Variants in EHF observed in about 807,000 individuals in gnomAD.
EHF encodes ETS homologous factor, also known as ESE3 transcription factor.
EHF carries 14 observed loss-of-function variants against 45.1 expected under a neutral mutation model. That is an observed-to-expected ratio of 0.31 (90% CI 0.21 to 0.49). The LOEUF is 0.49. EHF is among the 20% of genes least tolerant of loss of function. The pLI, the probability that EHF is intolerant of heterozygous loss-of-function variation, is 0.99. For missense variants in EHF, 282 were observed against 371.4 expected, an observed-to-expected ratio of 0.76 and a Z score of 1.98; for synonymous variants, 136 against 131.8, an observed-to-expected ratio of 1.03 and a Z score of -0.22.
intron 1 of EHF, among the ~76,000 whole-genome samples, chr11:34,625,378 T>A (rs1852284717): frequency 6.6e-6 from 1 of 152,226 alleles, no homozygotes; most frequent in Non-Finnish European, 1.5e-5. Flanking sequence ...TGGTGTCTTC[T>A]ATAAAACGCC....
intron 1 of EHF, among the ~76,000 whole-genome samples, chr11:34,640,270 T>A (rs1305661806): frequency 6.6e-6 from 1 of 152,142 alleles, no homozygotes; most frequent in African/African-American, 2.4e-5. Context: ...TGCTTTCTGC[T>A]TGTCAGGAAG....
chr11:34,646,762 T>G, intron 3 of EHF, 78 bp downstream of exon 3: 1 of 1,562,332 alleles, frequency 6.4e-7, no homozygotes, highest in Non-Finnish European at 8.7e-7. Flanking sequence ...GATGACAGGA[T>G]TCTTTGTCAG....
intron 6 of EHF, among the ~76,000 whole-genome samples, chr11:34,655,597 G>T (rs1019675572): frequency 6.6e-6 from 1 of 152,166 alleles, no homozygotes; most frequent in African/African-American, 2.4e-5. Flanking sequence ...TGACCCCTCT[G>T]TTTCTCAGAT....
intron 2 of EHF, among the ~76,000 whole-genome samples, chr11:34,644,864 C>T (rs964808826): frequency 1.3e-5 from 2 of 152,202 alleles, no homozygotes; most frequent in South Asian, 2.1e-4. Context: ...GAATCAGAAT[C>T]GGCATTTGAA....
chr11:34,643,693 G>C (rs757037690), intron 2 of EHF, among the ~76,000 whole-genome samples: 8 of 152,152 alleles, frequency 5.3e-5, no homozygotes, highest in Admixed American at 6.6e-5. Flanking sequence ...CCCTTACTCG[G>C]TCACCTGTCC....
intron 1 of EHF, among the ~76,000 whole-genome samples, chr11:34,639,579 G>C (rs1262184547): frequency 6.6e-6 from 1 of 152,210 alleles, no homozygotes; most frequent in Admixed American, 6.5e-5. Flanking sequence ...CACTGGCCCT[G>C]GGCCTCATGT....
At chr11:34,631,500 T>G in intron 1 of EHF, 5 of 865,806 alleles carry the variant, frequency 5.8e-6, no homozygotes, top group South Asian at 5.2e-5. Flanking sequence ...TAATGAGAAG[T>G]GAGCATGTGA....
chr11:34,629,062 C>G (rs1305430798), intron 1 of EHF, among the ~76,000 whole-genome samples: 1 of 152,206 alleles, frequency 6.6e-6, no homozygotes, highest in East Asian at 1.9e-4. Context: ...GTCTGGGAAG[C>G]TGCTGCGGAG....
chr11:34,640,081 A>C (rs1414942570), intron 1 of EHF, among the ~76,000 whole-genome samples: 1 of 150,066 alleles, frequency 6.7e-6, no homozygotes, highest in Non-Finnish European at 1.5e-5. Context: ...TTTGATTCTT[A>C]CAGCCCTTTG....
intron 6 of EHF, 35 bp from the exon 7 acceptor site, chr11:34,656,873 T>C (rs1321584753): frequency 1.2e-6 from 2 of 1,606,700 alleles, no homozygotes; most frequent in East Asian, 2.2e-5. Flanking sequence ...TTATAGGAAA[T>C]AGGTCAATTA....
chr11:34,632,930 G>T (rs530969093), intron 1 of EHF, among the ~76,000 whole-genome samples: 73 of 152,272 alleles, frequency 4.8e-4, no homozygotes, highest in African/African-American at 1.7e-3. Flanking sequence ...TGTAATGGCC[G>T]GATAAGCATT....
At chr11:34,624,759 G>A (rs1852225420) in intron 1 of EHF, among the ~76,000 whole-genome samples, 1 of 152,130 alleles carries the variant, frequency 6.6e-6, no homozygotes, top group South Asian at 2.1e-4. Context: ...TTCAGAGGGG[G>A]GTGGAAATAT....
chr11:34,628,691 T>C (rs373903722), intron 1 of EHF, among the ~76,000 whole-genome samples: 1 of 152,180 alleles, frequency 6.6e-6, no homozygotes, highest in East Asian at 1.9e-4. Context: ...TCCTGTTCAA[T>C]GTCATGTTTA....
At chr11:34,623,208 C>T (rs1250985371) in intron 1 of EHF, among the ~76,000 whole-genome samples, 1 of 152,046 alleles carries the variant, frequency 6.6e-6, no homozygotes, top group African/African-American at 2.4e-5. Context: ...AACTCAGCCC[C>T]CCGAGTAGCT....
At chr11:34,642,446 T>C (rs547637303) in intron 1 of EHF, 182 bp from the exon 2 acceptor site, 2 of 525,830 alleles carry the variant, frequency 3.8e-6, no homozygotes, top group South Asian at 5.1e-5. Flanking sequence ...AAATTGAACC[T>C]GGAAATTTTT....
intron 1 of EHF, chr11:34,631,579 C>G: frequency 1.0e-6 from 1 of 984,880 alleles, no homozygotes; most frequent in Non-Finnish European, 1.2e-6. Context: ...GACCTGAGGC[C>G]TCAAATCTCT....
intron 3 of EHF, among the ~76,000 whole-genome samples, chr11:34,647,284 G>T (rs1791537329): frequency 1.3e-5 from 2 of 152,108 alleles, no homozygotes; most frequent in Admixed American, 1.3e-4. Flanking sequence ...ACGTGTATGG[G>T]GAATGTTTCT....
At chr11:34,643,930 A>G (rs1169122332) in intron 2 of EHF, among the ~76,000 whole-genome samples, 1 of 152,226 alleles carries the variant, frequency 6.6e-6, no homozygotes, top group Non-Finnish European at 1.5e-5. Context: ...CTTAAATTCC[A>G]GAGACCTCAA....
chr11:34,661,047 A>G lies in EHF; in HGVS notation c.*2116A>G, dbSNP rs1334356911. On this transcript the variant is annotated 3_prime_UTR_variant, in exon 9 of 9. Coordinates refer to ENST00000257831, the MANE Select transcript of EHF (RefSeq NM_012153.6). ...GTTGTCAAGTAACAGTTACTGAAAGAGCTGAGAAAAAGAACAATGAACAGC... is the reference window on the plus strand; with the variant it reads ...GTTGTCAAGTAACAGTTACTGAAAGGGCTGAGAAAAAGAACAATGAACAGC... The G allele has an allele frequency of 5.3e-5, 8 of 152,152 alleles. No homozygotes were observed. Among genetic ancestry groups the G allele is most frequent in the Non-Finnish European group, 1.5e-5 (1 of 68,002 alleles). 9.4% of individuals were successfully genotyped at this position (152,152 alleles called of 1,614,324 possible).
Sources: gnomAD v4.1 joint callset for allele counts (sites outside exome capture counted in the v4.1 genomes callset) on GRCh38, gnomAD v4.1.1 for gene constraint, MANE v1.5 for transcripts, NCBI Gene and HGNC (gene_info 2026-07-23, HGNC 2026-07-21) for gene names.